The following TLN2 variants were observed in gnomAD, a reference collection of about 807,000 sequenced individuals.
TLN2 encodes talin 2.
A neutral mutation model predicts 294.7 loss-of-function variants in TLN2; 118 were observed. That is an observed-to-expected ratio of 0.40 (90% CI 0.34 to 0.47). The LOEUF is 0.47. Ranked by LOEUF, TLN2 falls within the 20% of genes least tolerant of loss-of-function variation. The pLI is 0.84. For synonymous variants in TLN2, 1,431 were observed against 1,304.5 expected (o/e 1.10, Z -2.09); for missense variants, 3,083 against 3,282.2 (o/e 0.94, Z 1.48).
chr15:62,738,429 TA>T, intron 30 of TLN2, 96 bp downstream of exon 30: 1 of 1,407,962 alleles, frequency 7.1e-7, no homozygotes, highest in Non-Finnish European at 9.4e-7. Context: ...TCTGAGCAGC[TA>T]ACCCTTCCTT....
At chr15:62,826,605 C>G (rs1250199614) in intron 54 of TLN2, among the ~76,000 whole-genome samples, 1 of 152,222 alleles carries the variant, frequency 6.6e-6, no homozygotes, top group Non-Finnish European at 1.5e-5. Context: ...AGAGGAGAAG[C>G]TGATCTAACC....
intron 9 of TLN2, among the ~76,000 whole-genome samples, chr15:62,665,235 G>A (rs2054471066): frequency 6.6e-6 from 1 of 151,966 alleles, no homozygotes; most frequent in Non-Finnish European, 1.5e-5. Context: ...GCTAACTTTT[G>A]TATGGGGTCC....
At chr15:62,838,581 A>T (rs1225702416) in intron 57 of TLN2, among the ~76,000 whole-genome samples, 2 of 152,248 alleles carry the variant, frequency 1.3e-5, no homozygotes, top group Non-Finnish European at 2.9e-5. Context: ...TTTATTAAAT[A>T]TTTACATAAT....
chr15:62,703,625 GCGCA>G (rs1472976647), intron 19 of TLN2, among the ~76,000 whole-genome samples: 97 of 78,310 alleles, frequency 1.2e-3, no homozygotes, highest in Middle Eastern at 4.9e-3. Flanking sequence ...ACACACACGC[GCGCA>G]CACACACACA....
chr15:62,483,953 A>AGAT (rs2038243135), intron 1 of TLN2, among the ~76,000 whole-genome samples: 1 of 152,178 alleles, frequency 6.6e-6, no homozygotes, highest in Non-Finnish European at 1.5e-5. Context: ...TGCGTAGAGA[A>AGAT]GATGTTAGGG....
In TLN2 at chr15:62,450,543, ATGTATGTGTG is replaced by A. The variant is rs1460395582; in HGVS notation, c.-238+59862_-238+59871del. On this transcript the variant is annotated intron_variant, in intron 1 of 58. Coordinates refer to ENST00000636159, the MANE Select transcript of TLN2 (RefSeq NM_015059.3). Reference sequence around the variant, plus strand: ...TATGTATGTATGTATGTATGTATGTATGTATGTGTGTGTGTGTGTGTGTGTGTGTGTCTGT... The same window carrying A: ...TATGTATGTATGTATGTATGTATGTATGTGTGTGTGTGTGTGTGTGTCTGT... Among the ~76,000 whole-genome samples the A allele has an allele frequency of 8.5e-4, 47 of 55,166 alleles. No individual in the cohort carries two copies. In the East Asian group the frequency reaches 0.14, roughly 159 times the overall value. The allele number at this position is 55,166 out of a possible 152,430, so 36.2% of individuals were successfully genotyped here.
At chr15:62,754,859 C>G (rs1480333094) in intron 36 of TLN2, 1 of 152,180 alleles carries the variant, frequency 6.6e-6, no homozygotes, top group Non-Finnish European at 1.5e-5. Flanking sequence ...TCAGTAGGTG[C>G]CAGCAGCCCT....
intron 2 of TLN2, among the ~76,000 whole-genome samples, chr15:62,610,959 AT>A (rs1286565334): frequency 6.6e-6 from 1 of 151,646 alleles, no homozygotes; most frequent in African/African-American, 2.4e-5. Flanking sequence ...CTTCCTTCTA[AT>A]TTTTCCCTTT....
intron 2 of TLN2, among the ~76,000 whole-genome samples, chr15:62,617,434 G>T (rs1370861464): frequency 6.6e-6 from 1 of 152,150 alleles, no homozygotes; most frequent in Non-Finnish European, 1.5e-5. Context: ...TTCCTAATCT[G>T]TCATGGCAAG....
chr15:62,793,174 T>TGCTGAGG (rs888032062), intron 46 of TLN2, among the ~76,000 whole-genome samples: 4 of 152,328 alleles, frequency 2.6e-5, no homozygotes, highest in South Asian at 2.1e-4. Context: ...TCAAGGAGGC[T>TGCTGAGG]GCTGAGGGCT....
intron 2 of TLN2, among the ~76,000 whole-genome samples, chr15:62,611,483 T>A (rs2047910941): frequency 6.6e-6 from 1 of 152,212 alleles, no homozygotes; most frequent in South Asian, 2.1e-4. Context: ...CAGTACTGTG[T>A]CCCCAGGGCT....
At chr15:62,440,020 G>A (rs2140303217) in intron 1 of TLN2, among the ~76,000 whole-genome samples, 1 of 152,272 alleles carries the variant, frequency 6.6e-6, no homozygotes, top group Admixed American at 6.5e-5. Context: ...GACAGGGCAG[G>A]ATAACCTGGA....
rs1038985743 is a variant in TLN2 at position 62,708,615 on chromosome 15, C to T, written c.2286C>T (p.Thr762=). 23 of 1,614,076 alleles carry T rather than the reference C, an allele frequency of 1.4e-5. No homozygotes were observed. The African/African-American group carries it at 1.7e-4, about 12-fold the overall frequency. The change falls in exon 21 of 59, where the codon ACC becomes ACT. Residue 762 remains threonine (T), a synonymous_variant. Coordinates refer to ENST00000636159, the MANE Select transcript of TLN2 (RefSeq NM_015059.3). The part of the protein sequence containing the change: ...NCVRACQAAT[T]DSELLKQVSA... The stretch of plus-strand genomic sequence containing the variant: ...TCCGTGCCTGCCAGGCGGCCACTAC[C>T]GATAGTGAGCTCCTGAAGCAGGTCA...
At chr15:62,641,157 G>C (rs547245991) in intron 3 of TLN2, among the ~76,000 whole-genome samples, 1 of 152,236 alleles carries the variant, frequency 6.6e-6, no homozygotes, top group South Asian at 2.1e-4. Context: ...GCTCCATGTA[G>C]ACAGGAGTTG....
chr15:62,713,473 G>A (rs1468333222), intron 22 of TLN2, among the ~76,000 whole-genome samples: 5 of 152,020 alleles, frequency 3.3e-5, no homozygotes, highest in African/African-American at 4.8e-5. Flanking sequence ...GAGGTCAGGA[G>A]TTCAAGACCA....
chr15:62,604,524 T>TACA (rs1481269742), intron 2 of TLN2, among the ~76,000 whole-genome samples: 36 of 87,322 alleles, frequency 4.1e-4, no homozygotes, highest in Non-Finnish European at 6.5e-4. Context: ...GACCTTGTCT[T>TACA]AAAAAAAAAA....
At chr15:62,556,272 T>A (rs1000673410) in intron 1 of TLN2, among the ~76,000 whole-genome samples, 1 of 152,002 alleles carries the variant, frequency 6.6e-6, no homozygotes, top group African/African-American at 2.4e-5. Context: ...GAGTAGAATT[T>A]TTTTAAATGC....
chr15:62,669,692 A>G (rs963553232), intron 9 of TLN2, among the ~76,000 whole-genome samples: 1 of 152,142 alleles, frequency 6.6e-6, no homozygotes, highest in South Asian at 2.1e-4. Context: ...ACTTGTATAC[A>G]TGTCCCAGAT....
chr15:62,414,161 A>ACC (rs2033934450), intron 1 of TLN2, among the ~76,000 whole-genome samples: 2 of 49,592 alleles, frequency 4.0e-5, no homozygotes, highest in Admixed American at 7.2e-4. Flanking sequence ...GCAAAAAAAA[A>ACC]AACTATATAT....
Sources: gnomAD v4.1 joint callset for allele counts (sites outside exome capture counted in the v4.1 genomes callset) on GRCh38, gnomAD v4.1.1 for gene constraint, MANE v1.5 for transcripts, NCBI Gene and HGNC (gene_info 2026-07-23, HGNC 2026-07-21) for gene names.